Variants in DHRSX observed in about 807,000 individuals in gnomAD.
The protein encoded by DHRSX is polyprenol dehydrogenase.
Under a neutral mutation model 34.0 loss-of-function variants are expected in DHRSX, and 31 were observed. The ratio of observed to expected loss-of-function variants is 0.91; its 90% CI spans 0.69 to 1.23. The LOEUF (loss-of-function observed/expected upper bound fraction) is 1.23. Ranked by LOEUF, DHRSX falls within the 50% of genes most tolerant of loss-of-function variation. The pLI, the probability that DHRSX is intolerant of heterozygous loss-of-function variation, is 0.00. For synonymous variants in DHRSX, 201 were observed against 183.8 expected, an observed-to-expected ratio of 1.09 and a Z score of -0.76; for missense variants, 414 against 428.1, an observed-to-expected ratio of 0.97 and a Z score of 0.29.
intron 2 of DHRSX, among the ~76,000 whole-genome samples, chrX:2,414,425 C>T (rs2043669035): frequency 6.6e-6 from 1 of 151,716 alleles, no homozygotes; most frequent in Admixed American, 6.6e-5. Flanking sequence ...TACCCTAACC[C>T]AACTAGAACT....
At chrX:2,381,399 T>A (rs2043200915) in intron 3 of DHRSX, among the ~76,000 whole-genome samples, 1 of 151,972 alleles carries the variant, frequency 6.6e-6, no homozygotes, top group African/African-American at 2.4e-5. Flanking sequence ...CATGCTTTGA[T>A]CTTGGACTTC....
chrX:2,451,784 G>A (rs2044221715), intron 1 of DHRSX, among the ~76,000 whole-genome samples: 1 of 152,200 alleles, frequency 6.6e-6, no homozygotes, highest in Admixed American at 6.5e-5. Context: ...GAAGAATGTT[G>A]CCAAGGGACC....
At chrX:2,489,421 CGTG>C (rs1289553252) in intron 1 of DHRSX, 1 of 1,613,902 alleles carries the variant, frequency 6.2e-7, no homozygotes, top group Non-Finnish European at 8.5e-7. Flanking sequence ...TGATGTTGAG[CGTG>C]GTGTTCAGGA....
intron 1 of DHRSX, among the ~76,000 whole-genome samples, chrX:2,492,910 C>A (rs984371760): frequency 6.6e-6 from 1 of 152,230 alleles, no homozygotes; most frequent in Non-Finnish European, 1.5e-5. Context: ...TAATTTTGCC[C>A]GAAATAATGA....
chrX:2,333,572 G>A (rs1031040091), intron 3 of DHRSX, among the ~76,000 whole-genome samples: 2 of 152,060 alleles, frequency 1.3e-5, no homozygotes, highest in Admixed American at 6.6e-5. Context: ...CTGCTACTCT[G>A]CCTGGCTAAT....
intron 1 of DHRSX, among the ~76,000 whole-genome samples, chrX:2,440,534 C>CT (rs376847845): frequency 0.053 from 7,586 of 142,034 alleles, 456 homozygotes; most frequent in African/African-American, 0.14. Context: ...TTCTTTCTTT[C>CT]TTTTTTTTTT....
chrX:2,252,376 CA>C (rs760884472), intron 5 of DHRSX, among the ~76,000 whole-genome samples: 83 of 152,294 alleles, frequency 5.4e-4, no homozygotes, highest in African/African-American at 2.0e-3. Flanking sequence ...CTTTTTAAGG[CA>C]AACTTCTCCA....
chrX:2,456,486 T>A (rs1680639799), intron 1 of DHRSX, among the ~76,000 whole-genome samples: 1 of 151,568 alleles, frequency 6.6e-6, no homozygotes, highest in Admixed American at 6.6e-5. Flanking sequence ...TGGTGGCAGG[T>A]GCCTGTAATC....
chrX:2,345,872 C>A (rs931013357), intron 3 of DHRSX, among the ~76,000 whole-genome samples: 6 of 152,128 alleles, frequency 3.9e-5, no homozygotes, highest in Non-Finnish European at 8.8e-5. Context: ...CTACCCCATA[C>A]ATCTTGAGAC....
intron 5 of DHRSX, among the ~76,000 whole-genome samples, chrX:2,263,259 G>A (rs745603972): frequency 1.3e-5 from 2 of 152,310 alleles, no homozygotes; most frequent in African/African-American, 2.4e-5. Flanking sequence ...TAGGAGGTGA[G>A]GCCCTTGGGA....
chrX:2,359,448 C>A (rs1425782407), intron 3 of DHRSX, among the ~76,000 whole-genome samples: 1 of 152,000 alleles, frequency 6.6e-6, no homozygotes, highest in African/African-American at 2.4e-5. Flanking sequence ...GAGGCCAAGG[C>A]GGGTGGATCG....
chrX:2,459,638 T>G (rs1371127455), intron 1 of DHRSX, among the ~76,000 whole-genome samples: 1 of 149,488 alleles, frequency 6.7e-6, no homozygotes, highest in Non-Finnish European at 1.5e-5. Flanking sequence ...TAACGAACAA[T>G]AAATTTTCTA....
chrX:2,321,768 G>A (rs868195210), intron 3 of DHRSX, among the ~76,000 whole-genome samples: 6 of 151,936 alleles, frequency 3.9e-5, no homozygotes, highest in African/African-American at 1.5e-4. Flanking sequence ...TGAATTGCAC[G>A]GGTCCACTTC....
intron 5 of DHRSX, among the ~76,000 whole-genome samples, chrX:2,246,741 AAAGAAAG>A (rs1556432494): frequency 3.5e-5 from 4 of 113,502 alleles, no homozygotes; most frequent in Non-Finnish European, 9.2e-5. Context: ...AGAAAGAAAG[AAAGAAAG>A]AAAAAGAAAG....
chrX:2,487,338 G>C (rs2044967697), intron 1 of DHRSX: 1 of 152,052 alleles, frequency 6.6e-6, no homozygotes, highest in Non-Finnish European at 1.5e-5. Context: ...AGACACCGAA[G>C]ACATAACCTC....
rs185453186 is a variant in DHRSX at position 2,478,376 on chromosome X, A to C, written c.109+22441T>G. On this transcript the variant is annotated intron_variant, in intron 1 of 6. Transcript: ENST00000334651. The stretch of plus-strand genomic sequence containing the variant: ...AAAGAACACAGACACAGACACTCAG[A>C]AGAATGTGGCAGGGACACATTCTGG... Among the ~76,000 whole-genome samples, 329 of 152,296 alleles carry C rather than the reference A, an allele frequency of 2.2e-3. 3 individuals carry two copies. The highest frequency in any genetic ancestry group is 6.7e-3 in the African/African-American group (277 of 41,562).
At chrX:2,241,036 T>C (rs1195575277) in intron 6 of DHRSX, among the ~76,000 whole-genome samples, 1 of 151,854 alleles carries the variant, frequency 6.6e-6, no homozygotes, top group Non-Finnish European at 1.5e-5. Context: ...ATACAAAAAC[T>C]AGCCGGGCAT....
intron 2 of DHRSX, among the ~76,000 whole-genome samples, chrX:2,414,867 C>G (rs1472560623): frequency 1.3e-5 from 2 of 151,784 alleles, no homozygotes; most frequent in Non-Finnish European, 2.9e-5. Context: ...TCATTATGAC[C>G]TAATACAACT....
chrX:2,417,278 G>C (rs1274552706), intron 2 of DHRSX, among the ~76,000 whole-genome samples: 1 of 152,184 alleles, frequency 6.6e-6, no homozygotes, highest in African/African-American at 2.4e-5. Flanking sequence ...CCATGCACAT[G>C]AACAAGAAGC....
Sources: allele counts gnomAD v4.1 joint callset (sites outside exome capture counted in the v4.1 genomes callset), GRCh38; gene constraint gnomAD v4.1.1; transcripts MANE v1.5; gene names NCBI Gene and HGNC (gene_info 2026-07-23, HGNC 2026-07-21).